The following LCORL variants were observed in gnomAD, a reference collection of about 807,000 sequenced individuals.
LCORL encodes ligand-dependent nuclear receptor corepressor-like protein.
A neutral mutation model predicts 141.8 loss-of-function variants in LCORL; 41 were observed. That is an observed-to-expected ratio of 0.29 (90% CI 0.23 to 0.38). The LOEUF (loss-of-function observed/expected upper bound fraction) is 0.38. Among genes scored for constraint, LCORL ranks in the 10% least tolerant of loss-of-function variants. The pLI is 1.00. For synonymous variants in LCORL, 618 were observed against 694.1 expected, an observed-to-expected ratio of 0.89 and a Z score of 1.72; for missense variants, 1,759 against 2,035.0, an observed-to-expected ratio of 0.86 and a Z score of 2.61.
chr4:17,854,034 A>C (rs1456537227), intron 7 of LCORL, among the ~76,000 whole-genome samples: 2 of 152,194 alleles, frequency 1.3e-5, no homozygotes, highest in Admixed American at 6.5e-5. Context: ...GGGATTACAG[A>C]GAAGGGAAAG....
chr4:17,877,932 T>C (rs1273531369), exon 7 of LCORL: 2 of 1,230,560 alleles, frequency 1.6e-6, no homozygotes, highest in Non-Finnish European at 2.0e-6. Flanking sequence ...AGGGCTTTGT[T>C]TTTCGTTTTG....
At position 18,019,688 on chromosome 4, in the gene LCORL, A is replaced by G. The variant is rs550463870; in HGVS notation, c.154+1910T>C. On this transcript the variant is annotated intron_variant, in intron 1 of 7. Transcript: ENST00000635767. ...GTATCTAAATAAGCAAGAAGACCAG[A>G]AAAAAAAACCAACCAAAATATTCCA... is the stretch of plus-strand genomic sequence containing the variant. Among the ~76,000 whole-genome samples the G allele has an allele frequency of 9.5e-5, 5 of 52,888 alleles. No homozygotes were observed. In the East Asian group the frequency reaches 1.5e-3, roughly 15 times the overall value. The allele number at this position is 52,888 out of a possible 152,430, so 34.7% of individuals were successfully genotyped here.
intron 1 of LCORL, among the ~76,000 whole-genome samples, chr4:17,993,149 A>G (rs938193101): frequency 8.5e-5 from 13 of 152,242 alleles, no homozygotes; most frequent in Non-Finnish European, 1.9e-4. Context: ...GTAATGACAG[A>G]AACATTCTGA....
At chr4:17,872,533 G>A (rs1317941027) in intron 7 of LCORL, among the ~76,000 whole-genome samples, 5 of 152,120 alleles carry the variant, frequency 3.3e-5, no homozygotes, top group Admixed American at 6.6e-5. Flanking sequence ...TGTGGTCCAC[G>A]GGCTGTGGGT....
intron 5 of LCORL, among the ~76,000 whole-genome samples, chr4:17,904,742 A>C (rs1731358427): frequency 6.6e-6 from 1 of 152,022 alleles, no homozygotes; most frequent in Admixed American, 6.6e-5. Flanking sequence ...TGTCCTACTT[A>C]TTTTTATCCT....
At chr4:17,945,076 T>G (rs748466725) in intron 4 of LCORL, among the ~76,000 whole-genome samples, 2 of 152,110 alleles carry the variant, frequency 1.3e-5, no homozygotes, top group Non-Finnish European at 2.9e-5. Flanking sequence ...CTGCAAGAAT[T>G]ATAGATTCCT....
intron 4 of LCORL, among the ~76,000 whole-genome samples, chr4:17,961,219 G>GACA (rs1713719401): frequency 6.6e-6 from 1 of 151,954 alleles, no homozygotes; most frequent in African/African-American, 2.4e-5. Flanking sequence ...GTAAAAATAA[G>GACA]ACACTCTATT....
At chr4:18,012,787 TAATGA>T (rs1198618790) in intron 1 of LCORL, among the ~76,000 whole-genome samples, 2 of 152,160 alleles carry the variant, frequency 1.3e-5, no homozygotes, top group African/African-American at 4.8e-5. Flanking sequence ...GCTCTCAGCT[TAATGA>T]AATTAACATA....
chr4:17,919,668 G>T (rs2109366237), intron 4 of LCORL, among the ~76,000 whole-genome samples: 1 of 152,292 alleles, frequency 6.6e-6, no homozygotes, highest in African/African-American at 2.4e-5. Context: ...TCTCATCCAT[G>T]TTTCTTGGAT....
chr4:17,849,392 C>T (rs1329812692), intron 7 of LCORL, among the ~76,000 whole-genome samples: 1 of 152,106 alleles, frequency 6.6e-6, no homozygotes, highest in African/African-American at 2.4e-5. Flanking sequence ...CTGCAGCCAC[C>T]GCTGCTGTTA....
intron 4 of LCORL, among the ~76,000 whole-genome samples, chr4:17,943,685 T>C (rs1011712586): frequency 7.2e-5 from 11 of 152,226 alleles, no homozygotes; most frequent in African/African-American, 2.4e-4. Context: ...AAATTTCTTT[T>C]TATTCTACAG....
intron 1 of LCORL, among the ~76,000 whole-genome samples, chr4:18,006,618 C>T (rs1722858328): frequency 6.6e-6 from 1 of 152,120 alleles, no homozygotes; most frequent in African/African-American, 2.4e-5. Context: ...AAGTGAAAGG[C>T]ACATCTCAGA....
chr4:17,982,002 C>A (rs1355150009), intron 1 of LCORL, among the ~76,000 whole-genome samples: 1 of 151,590 alleles, frequency 6.6e-6, no homozygotes, highest in East Asian at 1.9e-4. Flanking sequence ...ATTTTCTATT[C>A]CTGTGTTAGT....
exon 8 of LCORL, chr4:17,843,100 T>G (rs1004159200): frequency 2.8e-5 from 13 of 459,908 alleles, no homozygotes; most frequent in Non-Finnish European, 4.7e-5. Flanking sequence ...AATCATTAGC[T>G]AGATTTTCCC....
chr4:17,951,788 G>A (rs1218727268), intron 4 of LCORL, among the ~76,000 whole-genome samples: 1 of 152,212 alleles, frequency 6.6e-6, no homozygotes, highest in Non-Finnish European at 1.5e-5. Flanking sequence ...GCAGTGCCTG[G>A]CATGTAGTAG....
At chr4:17,983,649 T>C (rs1718414899) in intron 1 of LCORL, among the ~76,000 whole-genome samples, 1 of 152,222 alleles carries the variant, frequency 6.6e-6, no homozygotes, top group Admixed American at 6.5e-5. Context: ...GTTTATCTGC[T>C]GAAGGAGCTT....
chr4:17,882,635 AATG>A, intron 6 of LCORL: 1 of 984,682 alleles, frequency 1.0e-6, no homozygotes, highest in South Asian at 4.7e-5. Flanking sequence ...TTATTAGCAA[AATG>A]ATAATGTATC....
intron 5 of LCORL, among the ~76,000 whole-genome samples, chr4:17,907,488 G>C (rs1041019884): frequency 6.6e-6 from 1 of 152,130 alleles, no homozygotes; most frequent in Non-Finnish European, 1.5e-5. Context: ...CTATGTTCTA[G>C]TCTCTTCAGA....
At chr4:17,871,253 G>A (rs1726303453) in intron 7 of LCORL, among the ~76,000 whole-genome samples, 1 of 151,050 alleles carries the variant, frequency 6.6e-6, no homozygotes, top group Non-Finnish European at 1.5e-5. Context: ...TAAAAAAAAA[G>A]AATGTTAAAA....
Sources: allele counts gnomAD v4.1 joint callset (sites outside exome capture counted in the v4.1 genomes callset), GRCh38; gene constraint gnomAD v4.1.1; transcripts MANE v1.5; gene names NCBI Gene and HGNC (gene_info 2026-07-23, HGNC 2026-07-21).